Variants in CLDN14 observed in about 807,000 individuals in gnomAD.
CLDN14 encodes the protein claudin-14.
CLDN14 carries 2 observed loss-of-function variants against 2.1 expected under a neutral mutation model. That is an observed-to-expected ratio of 0.96 (90% CI 0.39 to 3.01). The LOEUF is 3.01. Among genes scored for constraint, CLDN14 ranks in the 30% most tolerant of loss-of-function variants. The probability of loss-of-function intolerance (pLI) is 0.09; values close to 1 mark genes in which losing one functional copy is unlikely to be tolerated. For missense variants in CLDN14, 298 were observed against 328.0 expected, an observed-to-expected ratio of 0.91 and a Z score of 0.71; for synonymous variants, 136 against 154.4, an observed-to-expected ratio of 0.88 and a Z score of 0.88.
chr21:36,537,666 T>TTTTG, intron 1 of CLDN14, among the ~76,000 whole-genome samples: 1 of 151,358 alleles, frequency 6.6e-6, no homozygotes. Context: ...CTTTTTTTTT[T>TTTTG]TGAGACGGAG....
chr21:36,505,065 A>G (rs1011330704), intron 2 of CLDN14, among the ~76,000 whole-genome samples: 3 of 152,212 alleles, frequency 2.0e-5, no homozygotes, highest in Admixed American at 2.0e-4. Context: ...GCCAAAAGGA[A>G]GCCCATGAAG....
Position 36,521,050 on chromosome 21 carries a change from G to A in CLDN14, c.-219-10550C>T, listed in dbSNP as rs368718975. 1.2e-3 allele frequency among the ~76,000 whole-genome samples: 177 copies of A among 152,006 alleles called. 6 individuals carry two copies. The South Asian group carries it at 0.036, about 31-fold the overall frequency. Reference sequence around the variant, plus strand: ...GCAGTGGCTTGGGGAAAAGCCAGACGTTCTTGAAAAGCTGTCGTTTCAGAA... The same window carrying A: ...GCAGTGGCTTGGGGAAAAGCCAGACATTCTTGAAAAGCTGTCGTTTCAGAA... On this transcript the variant is annotated intron_variant, in intron 1 of 2. Transcript: ENST00000342108.
At chr21:36,512,873 A>G (rs1418243434) in intron 1 of CLDN14, among the ~76,000 whole-genome samples, 1 of 152,254 alleles carries the variant, frequency 6.6e-6, no homozygotes, top group Non-Finnish European at 1.5e-5. Context: ...TATTGAATAC[A>G]TTATTTAGAA....
At chr21:36,562,019 C>T (rs1036306562) in intron 1 of CLDN14, among the ~76,000 whole-genome samples, 3 of 74,576 alleles carry the variant, frequency 4.0e-5, no homozygotes, top group Admixed American at 3.7e-4. Flanking sequence ...ATGAATTTTT[C>T]CTTTTCTCTG....
intron 1 of CLDN14, among the ~76,000 whole-genome samples, chr21:36,524,556 C>T (rs897838910): frequency 6.6e-6 from 1 of 152,194 alleles, no homozygotes; most frequent in African/African-American, 2.4e-5. Flanking sequence ...AGATACCGAC[C>T]CTGAGCTCCA....
chr21:36,557,707 T>G (rs1391221258), intron 1 of CLDN14, among the ~76,000 whole-genome samples: 2 of 152,256 alleles, frequency 1.3e-5, no homozygotes, highest in Non-Finnish European at 2.9e-5. Flanking sequence ...ATACATTATT[T>G]GCAAATATTT....
chr21:36,572,393 G>GTGGAGT (rs1190667617), intron 1 of CLDN14, among the ~76,000 whole-genome samples: 2 of 90,332 alleles, frequency 2.2e-5, no homozygotes, highest in Non-Finnish European at 6.0e-5. Context: ...CCTTCCCTCT[G>GTGGAGT]CGGAGTCCAG....
At chr21:36,471,222 TAAAAACA>T (rs1239199093) in intron 1 of CLDN14, among the ~76,000 whole-genome samples, 4 of 151,398 alleles carry the variant, frequency 2.6e-5, no homozygotes, top group Non-Finnish European at 5.9e-5. Context: ...CAAACAAACA[TAAAAACA>T]AAAAACAAAG....
intron 1 of CLDN14, among the ~76,000 whole-genome samples, chr21:36,521,319 GTGGCAA>G (rs1445380675): frequency 6.6e-6 from 1 of 152,192 alleles, no homozygotes; most frequent in Non-Finnish European, 1.5e-5. Context: ...TTGGAGAGGA[GTGGCAA>G]TGGACAGAGA....
intron 1 of CLDN14, among the ~76,000 whole-genome samples, chr21:36,462,813 G>T (rs144044511): frequency 0.023 from 3,517 of 152,186 alleles, 72 homozygotes; most frequent in Admixed American, 0.066. Context: ...AGCTACTCGG[G>T]AGGCTGAGGC....
chr21:36,468,703 G>T (rs1217712338), intron 1 of CLDN14, among the ~76,000 whole-genome samples: 3 of 152,018 alleles, frequency 2.0e-5, no homozygotes, highest in African/African-American at 7.3e-5. Context: ...CTTACGCTAT[G>T]ATGTATCTGC....
intron 1 of CLDN14, among the ~76,000 whole-genome samples, chr21:36,534,733 C>T (rs995413543): frequency 4.6e-5 from 7 of 152,328 alleles, no homozygotes; most frequent in African/African-American, 1.2e-4. Context: ...CCCATTTTCA[C>T]GATGCCACCC....
chr21:36,476,387 G>A (rs1348053124), intron 1 of CLDN14, among the ~76,000 whole-genome samples: 1 of 152,020 alleles, frequency 6.6e-6, no homozygotes, highest in African/African-American at 2.4e-5. Context: ...TGTGGGCACT[G>A]AGCCTCCCTC....
intron 1 of CLDN14, among the ~76,000 whole-genome samples, chr21:36,567,918 G>A (rs985346367): frequency 1.3e-5 from 2 of 152,068 alleles, no homozygotes; most frequent in Non-Finnish European, 2.9e-5. Context: ...CTATGTGGAC[G>A]TTTAACCTAC....
At chr21:36,478,971 T>C (rs1035693086) in intron 1 of CLDN14, among the ~76,000 whole-genome samples, 4 of 152,058 alleles carry the variant, frequency 2.6e-5, no homozygotes, top group Admixed American at 1.3e-4. Flanking sequence ...GATCTATCAC[T>C]TCCCCCCCTC....
chr21:36,471,559 G>C (rs1049084357), intron 1 of CLDN14, among the ~76,000 whole-genome samples: 1 of 152,154 alleles, frequency 6.6e-6, no homozygotes, highest in African/African-American at 2.4e-5. Flanking sequence ...TGATTTCATA[G>C]AGCATAAAAG....
At chr21:36,571,765 C>T (rs557276444) in intron 1 of CLDN14, among the ~76,000 whole-genome samples, 5 of 152,248 alleles carry the variant, frequency 3.3e-5, no homozygotes, top group East Asian at 3.9e-4. Context: ...TCCATTCTCT[C>T]GGCTGGAAAT....
intron 1 of CLDN14, among the ~76,000 whole-genome samples, chr21:36,547,045 G>T (rs572022630): frequency 2.0e-5 from 3 of 152,170 alleles, no homozygotes; most frequent in Non-Finnish European, 2.9e-5. Flanking sequence ...AGAACGATCA[G>T]CCTCAAATGG....
At position 36,461,321 on chromosome 21, in the gene CLDN14, G is replaced by A. The variant is rs768728088; in HGVS notation, c.375C>T (p.Phe125=). The A allele has an allele frequency of 6.2e-7, 1 of 1,613,518 alleles. No individual in the cohort carries two copies. The highest frequency in any genetic ancestry group is 1.3e-5 in the African/African-American group (1 of 74,944). Residue 125 remains phenylalanine (F), a synonymous_variant, in exon 2 of 2, where the codon TTC becomes TTT. Coordinates refer to ENST00000399135, the MANE Select transcript of CLDN14 (RefSeq NM_001146079.2). ...TTFAILGGTL[F]ILAGLLCMVA... ...CCATGCACAGGAGGCCGGCCAGGAT[G>A]AAGAGGGTGCCGCCGAGGATGGCAA...
Sources: gnomAD v4.1 joint callset for allele counts (sites outside exome capture counted in the v4.1 genomes callset) on GRCh38, gnomAD v4.1.1 for gene constraint, MANE v1.5 for transcripts, NCBI Gene and HGNC (gene_info 2026-07-23, HGNC 2026-07-21) for gene names.